The following BCL2 variants were observed in gnomAD, a reference collection of about 807,000 sequenced individuals.
BCL2 encodes the protein BCL2 apoptosis regulator.
BCL2 carries 1 observed loss-of-function variant against 14.2 expected under a neutral mutation model. The ratio of observed to expected loss-of-function variants is 0.07; its 90% CI spans 0.02 to 0.33. The LOEUF is 0.33. Ranked by LOEUF, BCL2 falls within the 10% of genes least tolerant of loss-of-function variation. BCL2 has a pLI of 0.99. For synonymous variants in BCL2, 151 were observed against 137.2 expected (o/e 1.10, Z -0.70); for missense variants, 247 against 305.9 (o/e 0.81, Z 1.44).
intron 2 of BCL2, among the ~76,000 whole-genome samples, chr18:63,256,110 G>C (rs1275850921): frequency 6.6e-6 from 1 of 152,176 alleles, no homozygotes; most frequent in African/African-American, 2.4e-5. Context: ...AGTTTAGTCA[G>C]AGAAGATTAG....
intron 2 of BCL2, among the ~76,000 whole-genome samples, chr18:63,276,426 G>T (rs954614956): frequency 7.2e-5 from 11 of 152,186 alleles, no homozygotes; most frequent in African/African-American, 2.4e-4. Flanking sequence ...TTTAAGGGGT[G>T]GGGCCAGACA....
At chr18:63,230,653 A>G (rs1341384617) in intron 2 of BCL2, among the ~76,000 whole-genome samples, 1 of 152,122 alleles carries the variant, frequency 6.6e-6, no homozygotes. Flanking sequence ...AACTAAATAG[A>G]GTAAAGATTT....
chr18:63,190,492 C>G lies in BCL2; in HGVS notation c.586-61733G>C, dbSNP rs142262630. ...CCATGAAGTATCAGAAGCTGGACAC[C>G]AATAGTATTGTGAGATATAAGTCAA... On this transcript the variant is annotated intron_variant, in intron 2 of 2. Coordinates refer to ENST00000333681, the MANE Select transcript of BCL2 (RefSeq NM_000633.3). Among the ~76,000 whole-genome samples the G allele has an allele frequency of 3.6e-3, 545 of 152,190 alleles. 4 individuals carry two copies. The highest frequency in any genetic ancestry group is 0.012 in the African/African-American group (509 of 41,530).
chr18:63,287,293 A>C (rs1056895124), intron 2 of BCL2, among the ~76,000 whole-genome samples: 1 of 152,198 alleles, frequency 6.6e-6, no homozygotes, highest in African/African-American at 2.4e-5. Flanking sequence ...CATTCTAACA[A>C]GGAAACTGAA....
At chr18:63,140,743 C>G (rs1398461296) in intron 2 of BCL2, among the ~76,000 whole-genome samples, 1 of 152,212 alleles carries the variant, frequency 6.6e-6, no homozygotes, top group Non-Finnish European at 1.5e-5. Flanking sequence ...GCTGTATAAC[C>G]TTTTGAATAT....
At chr18:63,300,153 T>C (rs938428077) in intron 2 of BCL2, among the ~76,000 whole-genome samples, 6 of 152,298 alleles carry the variant, frequency 3.9e-5, no homozygotes, top group Non-Finnish European at 8.8e-5. Flanking sequence ...TAAATATGTG[T>C]ACAACTTAAT....
chr18:63,257,415 AC>A, intron 2 of BCL2, among the ~76,000 whole-genome samples: 1 of 152,380 alleles, frequency 6.6e-6, no homozygotes, highest in Admixed American at 6.5e-5. Context: ...TACTAAACAA[AC>A]AGAAATTATG....
chr18:63,301,085 T>C (rs1196795080), intron 2 of BCL2, among the ~76,000 whole-genome samples: 1 of 152,154 alleles, frequency 6.6e-6, no homozygotes, highest in African/African-American at 2.4e-5. Flanking sequence ...ACTCTGAAAA[T>C]ATGTTAGATA....
In BCL2 at chr18:63,319,733, G is replaced by A. The variant is rs1026534763; in HGVS notation, c.-846C>T. ...CGCGCCTGGCCCGCCGGTGCCGAGC[G>A]CTAGAAGCCCGCGCTGTGTGTGGTG... On this transcript the variant is annotated 5_prime_UTR_variant, in exon 1 of 3. Transcript: ENST00000333681. The A allele has an allele frequency of 1.4e-5, 3 of 209,592 alleles. No homozygotes were observed. The highest frequency in any genetic ancestry group is 5.9e-5 in the Admixed American group (1 of 16,920). The allele number at this position is 209,592 out of a possible 1,614,324, so 13.0% of individuals were successfully genotyped here.
intron 2 of BCL2, among the ~76,000 whole-genome samples, chr18:63,178,317 A>G (rs1280968336): frequency 6.6e-6 from 1 of 152,180 alleles, no homozygotes; most frequent in Admixed American, 6.5e-5. Context: ...GTTGTTTAGA[A>G]ATGAAAATGG....
intron 2 of BCL2, among the ~76,000 whole-genome samples, chr18:63,203,856 G>A (rs1909766303): frequency 6.6e-6 from 1 of 152,120 alleles, no homozygotes; most frequent in Admixed American, 6.5e-5. Flanking sequence ...TTCAAATAAT[G>A]TACACATTAC....
intron 2 of BCL2, among the ~76,000 whole-genome samples, chr18:63,251,516 G>T (rs903459989): frequency 2.0e-5 from 3 of 151,146 alleles, no homozygotes; most frequent in African/African-American, 7.3e-5. Flanking sequence ...GTGGTGGCGG[G>T]CGCCTGTAGT....
chr18:63,230,501 T>A (rs1475252402), intron 2 of BCL2, among the ~76,000 whole-genome samples: 2 of 151,740 alleles, frequency 1.3e-5, no homozygotes, highest in African/African-American at 4.8e-5. Flanking sequence ...ATCAATAGAA[T>A]CAAAACAGAA....
chr18:63,213,561 C>A (rs1009595993), intron 2 of BCL2, among the ~76,000 whole-genome samples: 2 of 151,558 alleles, frequency 1.3e-5, no homozygotes, highest in African/African-American at 4.9e-5. Flanking sequence ...CACACACACA[C>A]ACACACACAC....
rs1417331565 is a variant in BCL2 at position 63,126,317 on chromosome 18, G to C, written c.*2308C>G. On this transcript the variant is annotated 3_prime_UTR_variant, in exon 3 of 3. Coordinates refer to ENST00000333681, the MANE Select transcript of BCL2 (RefSeq NM_000633.3). ...GAAGGACAGCCATGAGAAAGCCCCC[G>C]CGGAAGGAGGGCAGGAGGGCTCTGG... The C allele has an allele frequency of 1.8e-5, 4 of 220,468 alleles. No homozygotes were observed. In the East Asian group the frequency reaches 2.0e-4, roughly 11 times the overall value. The allele number at this position is 220,468 out of a possible 1,614,324, so 13.7% of individuals were successfully genotyped here.
intron 2 of BCL2, among the ~76,000 whole-genome samples, chr18:63,217,173 A>G (rs1037957722): frequency 2.6e-5 from 4 of 152,216 alleles, no homozygotes; most frequent in Admixed American, 6.5e-5. Context: ...ACTGAAGGCA[A>G]ACAATTTTAG....
intron 2 of BCL2, among the ~76,000 whole-genome samples, chr18:63,169,369 C>T (rs1469289368): frequency 2.9e-5 from 2 of 69,544 alleles, no homozygotes; most frequent in Admixed American, 1.5e-4. Flanking sequence ...TTCTTTCTTT[C>T]TCTTTCTTTC....
chr18:63,249,626 C>A (rs1911247648), intron 2 of BCL2, among the ~76,000 whole-genome samples: 1 of 147,890 alleles, frequency 6.8e-6, no homozygotes, highest in South Asian at 2.2e-4. Flanking sequence ...AGGAGAATCG[C>A]TTGAACCCAG....
At chr18:63,181,105 G>A (rs1915471994) in intron 2 of BCL2, among the ~76,000 whole-genome samples, 1 of 152,176 alleles carries the variant, frequency 6.6e-6, no homozygotes, top group Admixed American at 6.5e-5. Context: ...ATGCAAGACA[G>A]ACCAGTCATT....
Sources: gnomAD v4.1 joint callset for allele counts (sites outside exome capture counted in the v4.1 genomes callset) on GRCh38, gnomAD v4.1.1 for gene constraint, MANE v1.5 for transcripts, NCBI Gene and HGNC (gene_info 2026-07-23, HGNC 2026-07-21) for gene names.